Variants in SLC5A8 observed in about 807,000 individuals in gnomAD.
SLC5A8 encodes the protein sodium-coupled monocarboxylate transporter 1.
In SLC5A8, 55 loss-of-function variants were observed where a neutral mutation model predicts 71.9. The observed-to-expected ratio is 0.77, with a 90% confidence interval of 0.62 to 0.96. SLC5A8 has a LOEUF of 0.96. SLC5A8 is among the 40% of genes least tolerant of loss of function. SLC5A8 has a pLI of 0.00. For synonymous variants in SLC5A8, 307 were observed against 276.1 expected, an observed-to-expected ratio of 1.11 and a Z score of -1.11; for missense variants, 701 against 745.3, an observed-to-expected ratio of 0.94 and a Z score of 0.69.
chr12:101,166,446 G>T, intron 12 of SLC5A8, 48 bp downstream of exon 12: 1 of 1,517,410 alleles, frequency 6.6e-7, no homozygotes, highest in Non-Finnish European at 8.9e-7. Flanking sequence ...TTCTCTACTT[G>T]TTGCGTAAAT....
Position 101,162,059 on chromosome 12 carries a change from G to T in SLC5A8, c.1545C>A (p.Asn515Lys), listed in dbSNP as rs768390941. The change falls in exon 13 of 15, where the codon AAC (asparagine) becomes AAA (lysine). Residue 515 changes from asparagine (N) to lysine (K), a missense_variant. Coordinates refer to ENST00000536262, the MANE Select transcript of SLC5A8 (RefSeq NM_145913.5). ...YNVQRTPLMD[N>K]WYSLSYLYFS... is the part of the protein sequence containing the mutation. ...AGTACAGATATGATAAAGAATACCA[G>T]TTATCCATCAGTGGAGTCCTAAGAG... 1 of 1,613,368 alleles carries T rather than the reference G, an allele frequency of 6.2e-7. No homozygotes were observed. The highest frequency in any genetic ancestry group is 8.5e-7 in the Non-Finnish European group (1 of 1,179,550).
chr12:101,163,762 G>T (rs964813500), intron 12 of SLC5A8, among the ~76,000 whole-genome samples: 2 of 152,206 alleles, frequency 1.3e-5, no homozygotes, highest in Non-Finnish European at 2.9e-5. Context: ...GTGTGATATT[G>T]AGCCAAAGAC....
In SLC5A8 at chr12:101,166,524, G is replaced by C. The variant is rs1464220440; in HGVS notation, c.1496C>G (p.Thr499Ser). Residue 499 changes from threonine to serine, a missense_variant, in exon 12 of 15, where the codon ACT (threonine) becomes AGT (serine). Physicochemically the swap from Thr to Ser is moderately conservative, Grantham distance 58. Coordinates refer to ENST00000536262, the MANE Select transcript of SLC5A8 (RefSeq NM_145913.5). ...AACATTGTATATTTGAAAAACACTA[G>C]TAGTAAATGGCATTTCTGTGGTTGT... ...LMTTTEMPFTTSVFQIYNVQR... is the reference protein window; with the variant it reads ...LMTTTEMPFTSSVFQIYNVQR... 1.2e-6 allele frequency: 2 copies of C among 1,613,606 alleles called. No homozygotes were observed. Among genetic ancestry groups the C allele is most frequent in the African/African-American group, 2.7e-5 (2 of 74,896 alleles).
chr12:101,160,092 G>A (rs1316867250), intron 13 of SLC5A8, among the ~76,000 whole-genome samples: 1 of 152,182 alleles, frequency 6.6e-6, no homozygotes, highest in Non-Finnish European at 1.5e-5. Flanking sequence ...TGAGGCAGAA[G>A]AATCCCTTGA....
rs55796436 is a variant in SLC5A8, at chr12:101,157,183, AAC to A, written c.*94_*95del. 10,402 of 1,330,818 alleles carry A rather than the reference AAC, an allele frequency of 7.8e-3. 2 individuals carry two copies. The highest frequency in any genetic ancestry group is 0.015 in the South Asian group (943 of 62,800). The allele number at this position is 1,330,818 out of a possible 1,614,324, so 82.4% of individuals were successfully genotyped here. On this transcript the variant is annotated 3_prime_UTR_variant, in exon 15 of 15. Transcript: ENST00000536262. Reference sequence around the variant, plus strand: ...CTTATCCCCCAAACACTCATGATACAACACACACACACACACAAAGAAAACCT... The same window carrying A: ...CTTATCCCCCAAACACTCATGATACAACACACACACACACAAAGAAAACCT...
chr12:101,166,616 C>G lies in SLC5A8; in HGVS notation c.1404G>C (p.Glu468Asp). Residue 468 changes from glutamate (E) to aspartate (D), a missense_variant, in exon 12 of 15, where the codon GAG (glutamate) becomes GAC (aspartate). Transcript: ENST00000536262. The stretch of plus-strand genomic sequence containing the variant: ...TATCAAGGTGCAATGGCAATGTTCT[C>G]TCAGGAAGTGGAGGATATATTTGAG... ...IGAQIYPPLPERTLPLHLDIQ... is the reference protein window; with the variant it reads ...IGAQIYPPLPDRTLPLHLDIQ... The G allele has an allele frequency of 1.9e-6, 3 of 1,613,926 alleles. No individual in the cohort carries two copies. Among genetic ancestry groups the G allele is most frequent in the Non-Finnish European group, 2.5e-6 (3 of 1,179,950 alleles).
chr12:101,207,012 A>C (rs1179803522), intron 1 of SLC5A8, among the ~76,000 whole-genome samples: 1 of 152,262 alleles, frequency 6.6e-6, no homozygotes, highest in African/African-American at 2.4e-5. Flanking sequence ...ATCACTCAAC[A>C]CTGTACAGCA....
chr12:101,177,289 G>T (rs1034318774), intron 10 of SLC5A8, among the ~76,000 whole-genome samples: 1 of 151,402 alleles, frequency 6.6e-6, no homozygotes, highest in African/African-American at 2.4e-5. Context: ...AAAAAATCCA[G>T]GCCCAGATGC....
In SLC5A8 at chr12:101,210,058, G is replaced by A. The variant is rs990335591; in HGVS notation, c.-210C>T. The A allele has an allele frequency of 4.1e-6, 2 of 490,308 alleles. No individual in the cohort carries two copies. The highest frequency in any genetic ancestry group is 4.1e-5 in the African/African-American group (2 of 48,946). 30.4% of individuals were successfully genotyped at this position (490,308 alleles called of 1,614,324 possible). A position where few individuals can be genotyped will look rare whatever the true frequency, so the allele number is the denominator to read the frequency against. On this transcript the variant is annotated 5_prime_UTR_variant, in exon 1 of 15. Transcript: ENST00000536262. ...CCCTGCACCCGCCGCTGCGAGCCGCGCCCCTCAAACCCAGGTATGGGACCT... is the reference window on the plus strand; with the variant it reads ...CCCTGCACCCGCCGCTGCGAGCCGCACCCCTCAAACCCAGGTATGGGACCT...
rs940193238 is a variant in SLC5A8 at position 101,181,003 on chromosome 12, T to G, written c.1166-907A>C. ...AAATATCATGCAAAAAAACCCCCTT[T>G]GTTTTAATACTTCCATTCAGCAAAA... On this transcript the variant is annotated intron_variant, in intron 9 of 14. Coordinates refer to ENST00000536262, the MANE Select transcript of SLC5A8 (RefSeq NM_145913.5). Among the ~76,000 whole-genome samples the G allele has an allele frequency of 5.3e-4, 80 of 152,228 alleles. 6 individuals carry two copies. The highest frequency in any genetic ancestry group is 7.3e-5 in the Non-Finnish European group (5 of 68,046).
chr12:101,189,562 C>T (rs1052828404), intron 6 of SLC5A8, among the ~76,000 whole-genome samples: 2 of 152,220 alleles, frequency 1.3e-5, no homozygotes, highest in Middle Eastern at 3.4e-3. Flanking sequence ...TATTTATCAG[C>T]ACAGGGAGTG....
chr12:101,207,959 A>T (rs563070660), intron 1 of SLC5A8, among the ~76,000 whole-genome samples: 21 of 152,308 alleles, frequency 1.4e-4, no homozygotes, highest in African/African-American at 5.1e-4. Flanking sequence ...TAGAAGTTTA[A>T]TAGAGAGTGA....
chr12:101,201,043 G>A (rs922822426), intron 3 of SLC5A8, among the ~76,000 whole-genome samples: 2 of 152,116 alleles, frequency 1.3e-5, no homozygotes, highest in African/African-American at 4.8e-5. Context: ...CTCAGGGAGT[G>A]GTTTGAGCCT....
In SLC5A8 at chr12:101,166,487, T is replaced by G. The variant is rs1388738760; in HGVS notation, c.1526+7A>C. On this transcript the variant is annotated splice_region_variant and intron_variant, in intron 12 of 14. Coordinates refer to ENST00000536262, the MANE Select transcript of SLC5A8 (RefSeq NM_145913.5). ...AAAGTATAATGTAATAAAACTTAAT[T>G]CAATACCTTTGAACATTGTATATTT... The G allele has an allele frequency of 3.2e-5, 51 of 1,606,932 alleles. No individual in the cohort carries two copies. Among genetic ancestry groups the G allele is most frequent in the Non-Finnish European group, 4.3e-5 (51 of 1,177,304 alleles).
chr12:101,189,589 T>C (rs997769318), intron 6 of SLC5A8, among the ~76,000 whole-genome samples: 2 of 152,088 alleles, frequency 1.3e-5, no homozygotes, highest in Admixed American at 6.5e-5. Context: ...ACTGCAGTGA[T>C]GTGAGGCCTC....
At chr12:101,180,620 T>C (rs2051923431) in intron 9 of SLC5A8, among the ~76,000 whole-genome samples, 1 of 152,216 alleles carries the variant, frequency 6.6e-6, no homozygotes. Context: ...TCTCCATCAG[T>C]ATCCTCAAGC....
At chr12:101,168,480 T>C (rs1445385563) in intron 10 of SLC5A8, among the ~76,000 whole-genome samples, 1 of 152,190 alleles carries the variant, frequency 6.6e-6, no homozygotes, top group Non-Finnish European at 1.5e-5. Context: ...TCATGAATGA[T>C]ACCTCTCCTC....
In SLC5A8 at chr12:101,157,158, C is replaced by G. The variant is rs907962702; in HGVS notation, c.*121G>C. The G allele has an allele frequency of 4.1e-6, 5 of 1,212,568 alleles. No individual in the cohort carries two copies. Among genetic ancestry groups the G allele is most frequent in the Admixed American group, 2.5e-5 (1 of 40,046 alleles). 75.1% of individuals were successfully genotyped at this position (1,212,568 alleles called of 1,614,324 possible). On this transcript the variant is annotated 3_prime_UTR_variant, in exon 15 of 15. Transcript: ENST00000536262. The stretch of plus-strand genomic sequence containing the variant: ...AGTCCAGACTTTGTTTTAACAAAAA[C>G]TTATCCCCCAAACACTCATGATACA...
intron 1 of SLC5A8, among the ~76,000 whole-genome samples, chr12:101,209,157 C>T (rs1463901879): frequency 6.6e-6 from 1 of 152,206 alleles, no homozygotes; most frequent in African/African-American, 2.4e-5. Context: ...CCCCAAAAAT[C>T]TTTCCCCTTG....
Sources: gnomAD v4.1 joint callset for allele counts (sites outside exome capture counted in the v4.1 genomes callset) on GRCh38, gnomAD v4.1.1 for gene constraint, MANE v1.5 for transcripts, NCBI Gene and HGNC (gene_info 2026-07-23, HGNC 2026-07-21) for gene names.